DNER: variants seen among roughly 807,000 people sequenced by gnomAD.
DNER encodes the protein delta/notch like EGF repeat containing.
In DNER, 33 loss-of-function variants were observed where a neutral mutation model predicts 78.2. That is an observed-to-expected ratio of 0.42 (90% CI 0.32 to 0.56). The LOEUF (loss-of-function observed/expected upper bound fraction) is 0.56. DNER is among the 20% of genes least tolerant of loss of function. The pLI, the probability that DNER is intolerant of heterozygous loss-of-function variation, is 0.11. For synonymous variants in DNER, 417 were observed against 384.8 expected (o/e 1.08, Z -0.98); for missense variants, 918 against 975.3 (o/e 0.94, Z 0.78).
chr2:229,561,044 G>C lies in DNER; in HGVS notation c.848-13952C>G, dbSNP rs866191947. Among the ~76,000 whole-genome samples the C allele has an allele frequency of 5.9e-5, 9 of 152,068 alleles. No individual in the cohort carries two copies. The South Asian group carries it at 1.2e-3, about 21-fold the overall frequency. ...AGGCTTTTAAAAATTTCCAACTAAA[G>C]GTTACTTGTGGTTTGCTTGCTTGCT... On this transcript the variant is annotated intron_variant, in intron 4 of 12. Coordinates refer to ENST00000341772, the MANE Select transcript of DNER (RefSeq NM_139072.4).
At chr2:229,628,283 T>C (rs1213938874) in intron 1 of DNER, among the ~76,000 whole-genome samples, 1 of 152,138 alleles carries the variant, frequency 6.6e-6, no homozygotes, top group Non-Finnish European at 1.5e-5. Flanking sequence ...ATCAAAGTCA[T>C]ATATCCACAG....
intron 4 of DNER, among the ~76,000 whole-genome samples, chr2:229,577,884 C>A (rs1228982086): frequency 6.6e-6 from 1 of 152,102 alleles, no homozygotes; most frequent in East Asian, 1.9e-4. Context: ...AAAGATATTA[C>A]CAAGTTAAAG....
At chr2:229,432,841 C>G (rs1471674413) in intron 8 of DNER, among the ~76,000 whole-genome samples, 1 of 152,358 alleles carries the variant, frequency 6.6e-6, no homozygotes, top group African/African-American at 2.4e-5. Context: ...ACGTCTCCCA[C>G]AATCTCTGAC....
intron 10 of DNER, among the ~76,000 whole-genome samples, chr2:229,404,936 T>TA (rs1693349136): frequency 1.1e-5 from 1 of 95,158 alleles, no homozygotes; most frequent in Admixed American, 1.1e-4. Flanking sequence ...AATTATGGAC[T>TA]AAAATATAAC....
In DNER at chr2:229,447,919, C is replaced by T. The variant is rs114763837; in HGVS notation, c.1262-379G>A. Among the ~76,000 whole-genome samples, 1,413 of 152,072 alleles carry T rather than the reference C, an allele frequency of 9.3e-3. 30 individuals carry two copies. Among genetic ancestry groups the T allele is most frequent in the African/African-American group, 0.032 (1,343 of 41,462 alleles). ...GGATTTGGATCAGCAGAGGGCTCTC[C>T]CCTCTTATTTTGTATATATTAATGG... On this transcript the variant is annotated intron_variant, in intron 7 of 12. Transcript: ENST00000341772.
intron 8 of DNER, among the ~76,000 whole-genome samples, chr2:229,419,357 GA>G (rs1408087033): frequency 6.6e-6 from 1 of 152,126 alleles, no homozygotes; most frequent in Non-Finnish European, 1.5e-5. Flanking sequence ...TCCAAACAAT[GA>G]AAAACATGTG....
At chr2:229,650,488 C>T (rs945212408) in intron 1 of DNER, among the ~76,000 whole-genome samples, 1 of 152,164 alleles carries the variant, frequency 6.6e-6, no homozygotes, top group African/African-American at 2.4e-5. Context: ...CAGGTTTCAT[C>T]CCACAAATTC....
chr2:229,616,458 G>A (rs1299397076), intron 1 of DNER, among the ~76,000 whole-genome samples: 3 of 152,044 alleles, frequency 2.0e-5, no homozygotes, highest in Non-Finnish European at 2.9e-5. Flanking sequence ...TCTGATCTAG[G>A]GTGATGATAA....
intron 6 of DNER, among the ~76,000 whole-genome samples, chr2:229,496,993 G>T (rs1382662893): frequency 1.3e-5 from 2 of 152,118 alleles, no homozygotes; most frequent in Non-Finnish European, 2.9e-5. Context: ...AACAGCAGCA[G>T]CATATACATT....
Position 229,380,515 on chromosome 2 carries a change from T to C in DNER, c.1855+7750A>G, listed in dbSNP as rs567833105. 2.6e-5 allele frequency among the ~76,000 whole-genome samples: 4 copies of C among 152,332 alleles called. No homozygotes were observed. In the East Asian group the frequency reaches 5.8e-4, roughly 22 times the overall value. ...GCAATCTGGAATAGGGAGGAAACTTTCACCCAACCAGCATGGTTAGCTCTC... is the reference window on the plus strand; with the variant it reads ...GCAATCTGGAATAGGGAGGAAACTTCCACCCAACCAGCATGGTTAGCTCTC... On this transcript the variant is annotated intron_variant, in intron 11 of 12. Transcript: ENST00000341772.
At chr2:229,496,231 T>G (rs1010586701) in intron 6 of DNER, among the ~76,000 whole-genome samples, 2 of 152,164 alleles carry the variant, frequency 1.3e-5, no homozygotes, top group East Asian at 1.9e-4. Context: ...GTGAGAAAGT[T>G]TCAAGAAAAA....
intron 2 of DNER, among the ~76,000 whole-genome samples, chr2:229,590,044 ATTT>A (rs10532742): frequency 0.7 from 106,063 of 151,174 alleles, 37,319 homozygotes; most frequent in South Asian, 0.77. Flanking sequence ...GCAAAAATCT[ATTT>A]TTTTTTTTTT....
intron 1 of DNER, 138 bp from the exon 2 acceptor site, chr2:229,592,026 T>C (rs891974982): frequency 3.2e-5 from 38 of 1,192,766 alleles, no homozygotes; most frequent in Non-Finnish European, 3.5e-5. Context: ...TAACTACTTG[T>C]GCTGTTGTGG....
rs1030405744 is a variant in DNER at position 229,684,347 on chromosome 2, C to G, written c.276+29801G>C. ...AGATTTAAATGTCTGAATTCTCTCC[C>G]GAGCACCCACCATTCCACCCCATCC... On this transcript the variant is annotated intron_variant, in intron 1 of 12. Coordinates refer to ENST00000341772, the MANE Select transcript of DNER (RefSeq NM_139072.4). Among the ~76,000 whole-genome samples the G allele has an allele frequency of 2.0e-5, 3 of 151,790 alleles. No individual in the cohort carries two copies. In the South Asian group the frequency reaches 6.3e-4, roughly 32 times the overall value.
intron 1 of DNER, among the ~76,000 whole-genome samples, chr2:229,629,192 T>C (rs904309969): frequency 3.3e-5 from 5 of 152,214 alleles, no homozygotes; most frequent in Admixed American, 1.3e-4. Context: ...ACCCTGCTCA[T>C]TGAATTGTAA....
chr2:229,518,291 C>A (rs558703416), intron 5 of DNER, among the ~76,000 whole-genome samples: 54 of 152,320 alleles, frequency 3.5e-4, no homozygotes, highest in Middle Eastern at 6.8e-3. Flanking sequence ...TCATTCAACA[C>A]ACGTTTTTTG....
intron 6 of DNER, among the ~76,000 whole-genome samples, chr2:229,495,363 C>A (rs774857027): frequency 5.3e-5 from 8 of 152,134 alleles, no homozygotes; most frequent in Non-Finnish European, 1.0e-4. Context: ...GAGAAGTCCC[C>A]ATATCTATGG....
At chr2:229,503,634 G>T (rs1311983824) in intron 6 of DNER, among the ~76,000 whole-genome samples, 1 of 152,194 alleles carries the variant, frequency 6.6e-6, no homozygotes, top group African/African-American at 2.4e-5. Flanking sequence ...AATGGCCACA[G>T]CCTGGGAGAC....
At chr2:229,661,586 C>T (rs1436378472) in intron 1 of DNER, among the ~76,000 whole-genome samples, 3 of 152,048 alleles carry the variant, frequency 2.0e-5, no homozygotes, top group African/African-American at 7.2e-5. Context: ...GAAGGATAAC[C>T]AAGTTCAAAC....
Sources: gnomAD v4.1 joint callset for allele counts (sites outside exome capture counted in the v4.1 genomes callset) on GRCh38, gnomAD v4.1.1 for gene constraint, MANE v1.5 for transcripts, NCBI Gene and HGNC (gene_info 2026-07-23, HGNC 2026-07-21) for gene names.